Variants in NPHP4 observed in about 807,000 individuals in gnomAD.
NPHP4 encodes the protein nephrocystin-4.
NPHP4 carries 151 observed loss-of-function variants against 155.8 expected under a neutral mutation model. The ratio of observed to expected loss-of-function variants is 0.97; its 90% CI spans 0.85 to 1.11. NPHP4 has a LOEUF of 1.11. NPHP4 is among the 50% of genes least tolerant of loss of function. NPHP4 has a pLI of 0.00. For synonymous variants in NPHP4, 845 were observed against 816.8 expected (o/e 1.03, Z -0.59); for missense variants, 1,956 against 1,925.7 (o/e 1.02, Z -0.29).
chr1:5,905,926 C>T lies in NPHP4; in HGVS notation c.1612-143G>A. On this transcript the variant is annotated intron_variant, in intron 13 of 29. Coordinates refer to ENST00000378156, the MANE Select transcript of NPHP4 (RefSeq NM_015102.5). The surrounding 1 kb of genome is among the most constrained non-coding windows in gnomAD (Gnocchi z 4.0). ...AGCAAATACAAAAGGTTCAATTACA[C>T]TTGAATTTCAGGTAAACAACAAATG... The T allele has an allele frequency of 1.4e-6, 1 of 702,788 alleles. No individual in the cohort carries two copies. Among genetic ancestry groups the T allele is most frequent in the East Asian group, 2.7e-5 (1 of 36,584 alleles). 43.5% of individuals were successfully genotyped at this position (702,788 alleles called of 1,614,324 possible).
intron 9 of NPHP4, among the ~76,000 whole-genome samples, chr1:5,934,485 C>T (rs1217141489): frequency 2.0e-5 from 3 of 152,158 alleles, no homozygotes; most frequent in African/African-American, 7.2e-5. Flanking sequence ...GAGGTGGTGA[C>T]TGGACCATGA....
chr1:5,935,313 CCACATTCACGCCCCCGT>C (rs1646480840), intron 9 of NPHP4, among the ~76,000 whole-genome samples: 1 of 152,186 alleles, frequency 6.6e-6, no homozygotes, highest in Non-Finnish European at 1.5e-5. Flanking sequence ...CAGGTTACTG[CCACATTCACGCCCCCGT>C]CACAGGGTGA....
rs1036752306 is a variant in NPHP4, at chr1:5,904,747, C to G, written c.2013G>C (p.Gln671His). The change falls in exon 16 of 30, where the codon CAG (glutamine) becomes CAC (histidine). Residue 671 changes from glutamine (Q) to histidine (H), a missense_variant. Gln to His is a conservative substitution (Grantham distance 24). Coordinates refer to ENST00000378156, the MANE Select transcript of NPHP4 (RefSeq NM_015102.5). ...SWPKTVYFTF[Q>H]FYRFPPATTP... The stretch of plus-strand genomic sequence containing the variant: ...TCGTTGCGGGTGGGAAGCGGTAGAA[C>G]TGGAAGGTGAAATACACAGTCTTTG... The G allele has an allele frequency of 2.5e-6, 4 of 1,613,898 alleles. No individual in the cohort carries two copies. The African/African-American group carries it at 4.0e-5, about 16-fold the overall frequency.
Position 5,969,263 on chromosome 1 carries a change from C to G in NPHP4, c.280-4G>C, listed in dbSNP as rs190495420. The G allele has an allele frequency of 6.5e-7, 1 of 1,540,964 alleles. No individual in the cohort carries two copies. Among genetic ancestry groups the G allele is most frequent in the South Asian group, 1.2e-5 (1 of 82,080 alleles). On this transcript the variant is annotated splice_polypyrimidine_tract_variant and splice_region_variant and intron_variant, in intron 3 of 29. Coordinates refer to ENST00000378156, the MANE Select transcript of NPHP4 (RefSeq NM_015102.5). ...GGGATGTGTGAAAATACAAGGGCTGCAGAACAGAAGCCAGAGGATGGTCTG... is the reference window on the plus strand; with the variant it reads ...GGGATGTGTGAAAATACAAGGGCTGGAGAACAGAAGCCAGAGGATGGTCTG...
In NPHP4 at chr1:5,907,263, G is replaced by GC. The variant is rs570252962; in HGVS notation, c.1504-42dup. 300 of 1,336,140 alleles carry GC rather than the reference G, an allele frequency of 2.2e-4. No homozygotes were observed. In the East Asian group the frequency reaches 6.0e-3, roughly 27 times the overall value. 82.8% of individuals were successfully genotyped at this position (1,336,140 alleles called of 1,614,324 possible). ...GCACAGGTGAGGGGCTCAGAAGCTTGCCAGTCCGTCCACAAAGCTCCCAAC... is the reference window on the plus strand; with the variant it reads ...GCACAGGTGAGGGGCTCAGAAGCTTGCCCAGTCCGTCCACAAAGCTCCCAAC... On this transcript the variant is annotated intron_variant, in intron 12 of 29. Coordinates refer to ENST00000378156, the MANE Select transcript of NPHP4 (RefSeq NM_015102.5).
chr1:5,879,636 G>C (rs1367768941), intron 19 of NPHP4: 2 of 518,410 alleles, frequency 3.9e-6, no homozygotes, highest in Non-Finnish European at 7.7e-6. Context: ...GCCCAGCCTA[G>C]AGCACCAGGG....
chr1:5,918,055 G>A (rs1645564250), intron 11 of NPHP4, among the ~76,000 whole-genome samples: 1 of 152,202 alleles, frequency 6.6e-6, no homozygotes, highest in African/African-American at 2.4e-5. Context: ...CCGAGATCTG[G>A]AGATTATTTG....
chr1:5,912,537 C>CAAAAAAAA (rs752371714), intron 11 of NPHP4, among the ~76,000 whole-genome samples: 8 of 77,710 alleles, frequency 1.0e-4, no homozygotes, highest in Non-Finnish European at 1.4e-4. Flanking sequence ...GACTCCGTCT[C>CAAAAAAAA]AAAAAAAAAA....
At chr1:5,977,687 C>G (rs1033652292) in intron 3 of NPHP4, among the ~76,000 whole-genome samples, 1 of 150,030 alleles carries the variant, frequency 6.7e-6, no homozygotes, top group African/African-American at 2.5e-5. Flanking sequence ...CGCAGGGTGG[C>G]CAGCCGCAAG....
intron 9 of NPHP4, among the ~76,000 whole-genome samples, chr1:5,941,246 T>TA (rs1646797627): frequency 3.5e-5 from 2 of 56,982 alleles, no homozygotes; most frequent in African/African-American, 1.4e-4. Flanking sequence ...TGGGAAAAGA[T>TA]AAAATCAGAT....
intron 5 of NPHP4, among the ~76,000 whole-genome samples, chr1:5,966,260 G>A (rs923134789): frequency 6.6e-6 from 1 of 152,040 alleles, no homozygotes; most frequent in African/African-American, 2.4e-5. Context: ...GTTTTGTTTT[G>A]TTTGAGACAG....
chr1:5,864,280 G>T (rs1640956402), intron 28 of NPHP4, 58 bp downstream of exon 28: 4 of 1,483,852 alleles, frequency 2.7e-6, no homozygotes, highest in Non-Finnish European at 3.7e-6. Flanking sequence ...TGGGGGTCCT[G>T]CAGTGCCCTG....
chr1:5,921,577 G>A (rs1645742293), intron 11 of NPHP4, among the ~76,000 whole-genome samples: 1 of 152,174 alleles, frequency 6.6e-6, no homozygotes, highest in Admixed American at 6.5e-5. Context: ...CAGTAATACT[G>A]AGCATGTTTT....
chr1:5,936,452 G>C (rs558434190), intron 9 of NPHP4, among the ~76,000 whole-genome samples: 1 of 152,132 alleles, frequency 6.6e-6, no homozygotes, highest in African/African-American at 2.4e-5. Context: ...CCTAGTGCTT[G>C]AGATGACATC....
chr1:5,987,699 A>G (rs1239476712), intron 1 of NPHP4, among the ~76,000 whole-genome samples: 1 of 152,244 alleles, frequency 6.6e-6, no homozygotes, highest in African/African-American at 2.4e-5. Context: ...TTTCTGCTGC[A>G]AACTGAAAGG....
chr1:5,867,039 G>T lies in NPHP4; in HGVS notation c.3549C>A (p.Thr1183=). 1 of 1,612,576 alleles carries T rather than the reference G, an allele frequency of 6.2e-7. No homozygotes were observed. Among genetic ancestry groups the T allele is most frequent in the Non-Finnish European group, 8.5e-7 (1 of 1,179,226 alleles). Residue 1183 remains threonine, a synonymous_variant, in exon 25 of 30, where the codon ACC becomes ACA. Coordinates refer to ENST00000378156, the MANE Select transcript of NPHP4 (RefSeq NM_015102.5). This position sits in a 1 kb window ranked among gnomAD's most constrained non-coding sequence, Gnocchi z 4.1. ...RCSDPNVICE[T]QNVGPGEPRD... is the part of the protein sequence containing the mutation. The stretch of plus-strand genomic sequence containing the variant: ...CCACAACACAACCTACCACATTCTG[G>T]GTCTCACAGATGACGTTCGGGTCGC...
intron 10 of NPHP4, 99 bp downstream of exon 10, chr1:5,933,048 T>C (rs1385448216): frequency 1.0e-6 from 1 of 988,106 alleles, no homozygotes; most frequent in Non-Finnish European, 1.5e-6. Flanking sequence ...ATTCTGTAAA[T>C]GAAACATCTG....
chr1:5,909,015 C>T, intron 12 of NPHP4, 137 bp downstream of exon 12: 1 of 752,212 alleles, frequency 1.3e-6, no homozygotes, highest in Middle Eastern at 2.4e-4. Context: ...AGGGGACAGC[C>T]CCGCCGCCGC....
At chr1:5,972,888 G>C (rs1167333591) in intron 3 of NPHP4, among the ~76,000 whole-genome samples, 1 of 151,490 alleles carries the variant, frequency 6.6e-6, no homozygotes, top group African/African-American at 2.4e-5. Context: ...TTTTTTGTTT[G>C]GTTTTTCTTT....
Sources: allele counts gnomAD v4.1 joint callset (sites outside exome capture counted in the v4.1 genomes callset), GRCh38; gene constraint gnomAD v4.1.1; non-coding constraint Gnocchi (gnomAD v3.1); transcripts MANE v1.5; gene names NCBI Gene and HGNC (gene_info 2026-07-23, HGNC 2026-07-21).